The following ACSS2 variants were observed in gnomAD, a reference collection of about 807,000 sequenced individuals.
The protein encoded by ACSS2 is acetyl-coenzyme A synthetase, cytoplasmic.
A neutral mutation model predicts 90.6 loss-of-function variants in ACSS2; 58 were observed. The ratio of observed to expected loss-of-function variants is 0.64; its 90% CI spans 0.52 to 0.80. The LOEUF (loss-of-function observed/expected upper bound fraction) is 0.80, where lower values mean the gene tolerates loss of function less well. ACSS2 is among the 30% of genes least tolerant of loss of function. The pLI, the probability that ACSS2 is intolerant of heterozygous loss-of-function variation, is 0.00. For missense variants in ACSS2, 759 were observed against 912.0 expected (o/e 0.83, Z 2.16); for synonymous variants, 300 against 330.9 (o/e 0.91, Z 1.01).
rs1192307164 is a variant in ACSS2 at position 34,913,813 on chromosome 20, C to G, written c.631C>G (p.Leu211Val). ...GATCTTGGATTCCAGCTGCAGTCTTCTCATCACTACAGGTGACTAATTCTC... is the reference window on the plus strand; with the variant it reads ...GATCTTGGATTCCAGCTGCAGTCTTGTCATCACTACAGGTGACTAATTCTC... ...ERILDSSCSLLITTDAFYRGE... is the reference protein window; with the variant it reads ...ERILDSSCSLVITTDAFYRGE... The change falls in exon 5 of 18, where the codon CTC becomes GTC. Residue 211 changes from leucine (L) to valine (V), a missense_variant. Leu to Val is a conservative substitution (Grantham distance 32). Transcript: ENST00000360596. 1.9e-6 allele frequency: 3 copies of G among 1,614,114 alleles called. No individual in the cohort carries two copies. Among genetic ancestry groups the G allele is most frequent in the Non-Finnish European group, 2.5e-6 (3 of 1,179,980 alleles).
chr20:34,922,179 T>G, intron 13 of ACSS2: 1 of 313,470 alleles, frequency 3.2e-6, no homozygotes. Flanking sequence ...CTTTATAACA[T>G]AGTAGAAAAT....
At chr20:34,919,834 G>A (rs1568996886) in intron 8 of ACSS2, among the ~76,000 whole-genome samples, 2 of 152,124 alleles carry the variant, frequency 1.3e-5, no homozygotes, top group South Asian at 4.2e-4. Context: ...TGCACCCATG[G>A]TTTGGTTGAA....
At chr20:34,886,428 G>T (rs1171126845) in intron 2 of ACSS2, among the ~76,000 whole-genome samples, 1 of 151,926 alleles carries the variant, frequency 6.6e-6, no homozygotes, top group Non-Finnish European at 1.5e-5. Context: ...AGACAAGCCT[G>T]GCCAAAATAG....
chr20:34,906,821 A>G lies in ACSS2; in HGVS notation c.375-6275A>G, dbSNP rs995171923. Among the ~76,000 whole-genome samples, 15 of 151,958 alleles carry G rather than the reference A, an allele frequency of 9.9e-5. No individual in the cohort carries two copies. In the East Asian group the frequency reaches 2.9e-3, roughly 30 times the overall value. On this transcript the variant is annotated intron_variant, in intron 2 of 17. Coordinates refer to ENST00000360596, the MANE Select transcript of ACSS2 (RefSeq NM_018677.4). ...AACATCTTGAAACCCCGTCTCTACT[A>G]AAAATACAAAAATTAGCCAGGTGTG... is the stretch of plus-strand genomic sequence containing the variant.
chr20:34,910,722 G>A (rs2147067393), intron 2 of ACSS2, among the ~76,000 whole-genome samples: 1 of 152,258 alleles, frequency 6.6e-6, no homozygotes, highest in Non-Finnish European at 1.5e-5. Flanking sequence ...ATAGGAGTGG[G>A]GAGAACACTT....
chr20:34,921,626 T>C, intron 12 of ACSS2, 26 bp downstream of exon 12: 2 of 1,614,154 alleles, frequency 1.2e-6, no homozygotes, highest in South Asian at 1.1e-5. Flanking sequence ...CTGGCTGGTC[T>C]TGGGCTAGGC....
chr20:34,897,145 G>GT (rs1295720628), intron 2 of ACSS2, among the ~76,000 whole-genome samples: 1 of 152,100 alleles, frequency 6.6e-6, no homozygotes, highest in African/African-American at 2.4e-5. Flanking sequence ...AAAGATGTCT[G>GT]TATTTTCCAA....
chr20:34,899,423 TTTCCTTCCTTCCTTCC>T (rs71196768), intron 2 of ACSS2, among the ~76,000 whole-genome samples: 3 of 113,022 alleles, frequency 2.7e-5, no homozygotes, highest in Non-Finnish European at 5.4e-5. Flanking sequence ...TCTTTCTTTC[TTTCCTTCCTTCCTTCC>T]TTCCTTCCTT....
intron 2 of ACSS2, among the ~76,000 whole-genome samples, chr20:34,910,482 A>T (rs1422456135): frequency 6.6e-6 from 1 of 152,206 alleles, no homozygotes; most frequent in Admixed American, 6.5e-5. Context: ...CTCTGCCTCT[A>T]TGAAAAATTT....
At chr20:34,902,776 AG>A (rs1049754592) in intron 2 of ACSS2, among the ~76,000 whole-genome samples, 1 of 151,714 alleles carries the variant, frequency 6.6e-6, no homozygotes, top group African/African-American at 2.4e-5. Flanking sequence ...CCCTGGCTGG[AG>A]TGCAGTGGCA....
intron 2 of ACSS2, chr20:34,893,576 G>A (rs1447846523): frequency 4.7e-5 from 7 of 147,670 alleles, no homozygotes; most frequent in South Asian, 4.3e-4. Flanking sequence ...TAGTGGAGAC[G>A]TGGTTTTGCC....
chr20:34,913,355 A>G, intron 3 of ACSS2, 38 bp from the exon 4 acceptor site: 1 of 1,601,106 alleles, frequency 6.2e-7, no homozygotes, highest in South Asian at 1.1e-5. Flanking sequence ...TAGCAGCAAG[A>G]AGGGTTCATG....
intron 5 of ACSS2, 69 bp from the exon 6 acceptor site, chr20:34,914,027 C>A: frequency 6.4e-7 from 1 of 1,554,648 alleles, no homozygotes; most frequent in Non-Finnish European, 8.9e-7. Context: ...AGGAAGGGCC[C>A]TATGGACATT....
chr20:34,887,105 T>C (rs867227014), intron 2 of ACSS2, among the ~76,000 whole-genome samples: 1 of 152,250 alleles, frequency 6.6e-6, no homozygotes, highest in East Asian at 1.9e-4. Context: ...TTTTTAGAAC[T>C]TGAAGTGACC....
chr20:34,897,843 A>G (rs2080503656), intron 2 of ACSS2, among the ~76,000 whole-genome samples: 1 of 151,462 alleles, frequency 6.6e-6, no homozygotes, highest in African/African-American at 2.5e-5. Context: ...AAAAAAGTTC[A>G]TCCATGTTAT....
At chr20:34,922,619 C>T (rs1443004580) in intron 13 of ACSS2, among the ~76,000 whole-genome samples, 1 of 152,142 alleles carries the variant, frequency 6.6e-6, no homozygotes, top group Non-Finnish European at 1.5e-5. Context: ...AAAAATAATG[C>T]CTTTGTCTCC....
At chr20:34,890,639 A>C (rs2146993495) in intron 2 of ACSS2, among the ~76,000 whole-genome samples, 1 of 152,310 alleles carries the variant, frequency 6.6e-6, no homozygotes, top group South Asian at 2.1e-4. Context: ...CCAAAGCCCA[A>C]CACATTTGGT....
chr20:34,881,910 A>T (rs1184326470), intron 1 of ACSS2, among the ~76,000 whole-genome samples: 2 of 152,244 alleles, frequency 1.3e-5, no homozygotes, highest in Admixed American at 6.5e-5. Flanking sequence ...GGAGAAGGAG[A>T]TGCTCAATAT....
intron 2 of ACSS2, among the ~76,000 whole-genome samples, chr20:34,899,992 G>A (rs2080608350): frequency 6.6e-6 from 1 of 152,132 alleles, no homozygotes; most frequent in Non-Finnish European, 1.5e-5. Flanking sequence ...CTGCCAGACT[G>A]TTTTCCAAAG....
Sources: allele counts gnomAD v4.1 joint callset (sites outside exome capture counted in the v4.1 genomes callset), GRCh38; gene constraint gnomAD v4.1.1; transcripts MANE v1.5; gene names NCBI Gene and HGNC (gene_info 2026-07-23, HGNC 2026-07-21).